Variants in NAV2 observed in about 807,000 individuals in gnomAD.
NAV2 encodes neuron navigator 2, also known as helicase, APC down-regulated 1.
NAV2 carries 54 observed loss-of-function variants against 223.2 expected under a neutral mutation model. That is an observed-to-expected ratio of 0.24 (90% confidence interval 0.19 to 0.30). The LOEUF is 0.30. Among genes scored for constraint, NAV2 ranks in the 10% least tolerant of loss-of-function variants. NAV2 has a pLI of 1.00. For missense variants in NAV2, 2,806 were observed against 3,147.5 expected, an observed-to-expected ratio of 0.89 and a Z score of 2.60; for synonymous variants, 1,279 against 1,239.3, an observed-to-expected ratio of 1.03 and a Z score of -0.67.
At chr11:19,830,888 T>C (rs2059891238) in intron 1 of NAV2, among the ~76,000 whole-genome samples, 1 of 152,206 alleles carries the variant, frequency 6.6e-6, no homozygotes, top group Non-Finnish European at 1.5e-5. Flanking sequence ...GAAAATACTC[T>C]TGCTTTACTG....
intron 5 of NAV2, among the ~76,000 whole-genome samples, chr11:19,882,697 G>A (rs1217028536): frequency 6.6e-6 from 1 of 152,160 alleles, no homozygotes; most frequent in Non-Finnish European, 1.5e-5. Context: ...CTACTAACGA[G>A]TGCTTTACCT....
intron 4 of NAV2, among the ~76,000 whole-genome samples, chr11:19,878,653 A>G (rs1485981135): frequency 6.6e-6 from 1 of 152,124 alleles, no homozygotes; most frequent in Admixed American, 6.5e-5. Flanking sequence ...GAGCCTGGAG[A>G]AAGGGATGCT....
intron 1 of NAV2, among the ~76,000 whole-genome samples, chr11:19,608,816 TC>T (rs1190224674): frequency 3.3e-5 from 5 of 152,174 alleles, no homozygotes; most frequent in Non-Finnish European, 5.9e-5. Context: ...GAGTTGAAAA[TC>T]TAGGTGTCAG....
At chr11:19,365,256 T>C (rs956162338) in intron 1 of NAV2, among the ~76,000 whole-genome samples, 2 of 152,236 alleles carry the variant, frequency 1.3e-5, no homozygotes, top group Non-Finnish European at 2.9e-5. Context: ...TCAAGATTCA[T>C]CTCACATTTC....
rs141100456 is a variant in NAV2 at position 19,948,882 on chromosome 11, C to T, written c.2447C>T (p.Thr816Ile). 227 of 1,614,114 alleles carry T rather than the reference C, an allele frequency of 1.4e-4. No individual in the cohort carries two copies. The African/African-American group carries it at 2.8e-3, about 20-fold the overall frequency. ...GCCAACGCCAGCAGGTTCATCAACA[C>T]TGAGTCAGGTCGCTATGTGTACTCC... ...PRANASRFIN[T>I]ESGRYVYSAP... is the part of the protein sequence containing the mutation. Residue 816 changes from threonine (T) to isoleucine (I), a missense_variant, in exon 10 of 38, where the codon ACT becomes ATT. By Grantham distance (89) the Thr-to-Ile change is moderately conservative. Around this residue, in one of 4 missense-constraint regions of NAV2, gnomAD observed 1,167 missense variants for 1,180.5 expected, o/e 0.99. Transcript: ENST00000349880.
chr11:19,520,955 C>T (rs1001892233), intron 1 of NAV2, among the ~76,000 whole-genome samples: 1 of 152,194 alleles, frequency 6.6e-6, no homozygotes, highest in Non-Finnish European at 1.5e-5. Context: ...TCGCTGTGGG[C>T]TGAGGCAGCG....
At chr11:19,995,283 G>T (rs2051757778) in intron 11 of NAV2, among the ~76,000 whole-genome samples, 1 of 152,182 alleles carries the variant, frequency 6.6e-6, no homozygotes, top group South Asian at 2.1e-4. Context: ...ATCCATGCAG[G>T]GCAGGGACTC....
chr11:19,644,955 T>C (rs181745982), intron 1 of NAV2, among the ~76,000 whole-genome samples: 66 of 152,368 alleles, frequency 4.3e-4, no homozygotes, highest in Middle Eastern at 6.8e-3. Context: ...AAATAATTCA[T>C]AGGCCAATGA....
chr11:19,458,487 T>C (rs1023486351), intron 1 of NAV2, among the ~76,000 whole-genome samples: 1 of 152,250 alleles, frequency 6.6e-6, no homozygotes, highest in Non-Finnish European at 1.5e-5. Flanking sequence ...TCCATGGCTC[T>C]CTGTCTCCTA....
intron 1 of NAV2, among the ~76,000 whole-genome samples, chr11:19,512,772 A>G (rs1256072219): frequency 6.6e-6 from 1 of 152,184 alleles, no homozygotes; most frequent in African/African-American, 2.4e-5. Flanking sequence ...GTGTTTTCAT[A>G]CTGACATGCC....
intron 5 of NAV2, among the ~76,000 whole-genome samples, chr11:19,882,944 A>G (rs12575413): frequency 0.23 from 34,341 of 152,102 alleles, 4,030 homozygotes; most frequent in East Asian, 0.35. Flanking sequence ...CTTGTTCTCA[A>G]GGTCTAGGGA....
At chr11:19,553,059 A>G (rs1395123352) in intron 1 of NAV2, among the ~76,000 whole-genome samples, 1 of 152,216 alleles carries the variant, frequency 6.6e-6, no homozygotes, top group Non-Finnish European at 1.5e-5. Context: ...GCTGTGTAAC[A>G]TGCTCTCCAT....
At chr11:19,359,607 T>C (rs1853816256) in intron 1 of NAV2, among the ~76,000 whole-genome samples, 2 of 152,230 alleles carry the variant, frequency 1.3e-5, no homozygotes. Context: ...TTGAAGCCCA[T>C]GGAATGTTCT....
At chr11:19,989,605 CTT>C (rs1232516643) in intron 11 of NAV2, among the ~76,000 whole-genome samples, 1 of 152,118 alleles carries the variant, frequency 6.6e-6, no homozygotes, top group African/African-American at 2.4e-5. Flanking sequence ...CGAATATAAA[CTT>C]ATATCAGAAG....
intron 10 of NAV2, among the ~76,000 whole-genome samples, chr11:19,969,525 C>T (rs1352765026): frequency 2.0e-5 from 3 of 152,158 alleles, no homozygotes; most frequent in Admixed American, 6.5e-5. Context: ...AGATATATTC[C>T]AAGACCCTCG....
chr11:19,714,640 G>A (rs2050141348), intron 1 of NAV2: 1 of 369,260 alleles, frequency 2.7e-6, no homozygotes, highest in African/African-American at 2.1e-5. Flanking sequence ...GCCTCAGAAT[G>A]GCGGCCGAAG....
intron 1 of NAV2, among the ~76,000 whole-genome samples, chr11:19,769,803 C>T (rs2055559517): frequency 6.6e-6 from 1 of 152,146 alleles, no homozygotes; most frequent in Non-Finnish European, 1.5e-5. Context: ...ATTGTTCAAT[C>T]GGGTAACTTT....
intron 10 of NAV2, 83 bp from the exon 11 acceptor site, chr11:19,984,042 G>C: frequency 6.3e-7 from 1 of 1,583,742 alleles, no homozygotes; most frequent in Middle Eastern, 1.7e-4. Flanking sequence ...CTTGGCGGCT[G>C]TACAGGCTTC....
At position 20,114,609 on chromosome 11, in the gene NAV2, C is replaced by G. The variant is rs1164470632; in HGVS notation, c.6978C>G (p.Ala2326=). The part of the protein sequence containing the change: ...REGLQLYGRR[A]PWEDPAKWVM... ...GTTTTCAGCTCTATGGAAGGCGCGCCCCCTGGGAGGATCCTGCCAAGTGGG... is the reference window on the plus strand; with the variant it reads ...GTTTTCAGCTCTATGGAAGGCGCGCGCCCTGGGAGGATCCTGCCAAGTGGG... The change falls in exon 37 of 38, where the codon GCC becomes GCG. Residue 2326 remains alanine, a synonymous_variant. Transcript: ENST00000349880. 1 of 1,614,154 alleles carries G rather than the reference C, an allele frequency of 6.2e-7. No homozygotes were observed. The highest frequency in any genetic ancestry group is 8.5e-7 in the Non-Finnish European group (1 of 1,180,028).
Sources: allele counts gnomAD v4.1 joint callset (sites outside exome capture counted in the v4.1 genomes callset), GRCh38; gene constraint gnomAD v4.1.1; regional missense constraint gnomAD v4.1.1; transcripts MANE v1.5; gene names NCBI Gene and HGNC (gene_info 2026-07-23, HGNC 2026-07-21).